Variants in EPB41L4B observed in about 807,000 individuals in gnomAD.
The protein encoded by EPB41L4B is erythrocyte membrane protein band 4.1 like 4B, also known as band 4.1-like protein 4B.
EPB41L4B carries 30 observed loss-of-function variants against 112.5 expected under a neutral mutation model. The ratio of observed to expected loss-of-function variants is 0.27; its 90% CI spans 0.20 to 0.36. The LOEUF is 0.36. Ranked by LOEUF, EPB41L4B falls within the 10% of genes least tolerant of loss-of-function variation. The probability of loss-of-function intolerance (pLI) is 1.00; values close to 1 mark genes in which losing one functional copy is unlikely to be tolerated. For synonymous variants in EPB41L4B, 408 were observed against 439.7 expected (o/e 0.93, Z 0.90); for missense variants, 1,024 against 1,133.3 (o/e 0.90, Z 1.38).
intron 1 of EPB41L4B, among the ~76,000 whole-genome samples, chr9:109,284,787 T>G (rs557883210): frequency 1.3e-5 from 2 of 152,380 alleles, no homozygotes; most frequent in Admixed American, 6.5e-5. Flanking sequence ...ATTCTGGTAC[T>G]TTTCCTTCTT....
At chr9:109,318,567 C>G (rs147495097) in intron 1 of EPB41L4B, among the ~76,000 whole-genome samples, 9 of 152,168 alleles carry the variant, frequency 5.9e-5, no homozygotes, top group African/African-American at 2.2e-4. Flanking sequence ...TTTCCCAGAT[C>G]CGAGATGCAA....
chr9:109,277,077 T>C lies in EPB41L4B; in HGVS notation c.411+2740A>G, dbSNP rs532920515. The stretch of plus-strand genomic sequence containing the variant: ...GCAGAGCCAGGAACAAGGTCCAGTC[T>C]GACTTCTAGTTCAGGGCCACAGATA... On this transcript the variant is annotated intron_variant, in intron 2 of 25. Coordinates refer to ENST00000374566, the MANE Select transcript of EPB41L4B (RefSeq NM_019114.5). Among the ~76,000 whole-genome samples, 12 of 152,286 alleles carry C rather than the reference T, an allele frequency of 7.9e-5. 1 individual carries two copies. Among genetic ancestry groups the C allele is most frequent in the African/African-American group, 2.9e-4 (12 of 41,564 alleles).
chr9:109,240,372 G>A, intron 15 of EPB41L4B: 1 of 985,234 alleles, frequency 1.0e-6, no homozygotes, highest in East Asian at 1.1e-4. Context: ...CCTTCTTGCT[G>A]AATAGATTTT....
At chr9:109,284,699 C>T (rs901676193) in intron 1 of EPB41L4B, among the ~76,000 whole-genome samples, 1 of 152,222 alleles carries the variant, frequency 6.6e-6, no homozygotes. Flanking sequence ...TGAGCCCCCA[C>T]GCCTGGCTTC....
At chr9:109,267,666 G>A in intron 3 of EPB41L4B, 115 bp from the exon 4 acceptor site, 1 of 666,428 alleles carries the variant, frequency 1.5e-6, no homozygotes. Flanking sequence ...CATCAGGACA[G>A]CATAACTGGG....
Position 109,213,703 on chromosome 9 carries a change from G to C in EPB41L4B, c.1749C>G (p.Asn583Lys). Residue 583 changes from asparagine to lysine, a missense_variant, in exon 17 of 26, where the codon AAC becomes AAG. By Grantham distance (94) the Asn-to-Lys change is moderately conservative. Transcript: ENST00000374566. ...GPWPPLHINI[N>K]KAEEKKVSEK... ...GCAGAGCCCCGGCCCTTGGCACCTT[G>C]TTTATGTTGATGTGCAGAGGAGGCC... 1 of 1,613,544 alleles carries C rather than the reference G, an allele frequency of 6.2e-7. No homozygotes were observed. Among genetic ancestry groups the C allele is most frequent in the Non-Finnish European group, 8.5e-7 (1 of 1,179,664 alleles).
At chr9:109,276,500 G>A (rs747066302) in intron 2 of EPB41L4B, among the ~76,000 whole-genome samples, 4 of 152,174 alleles carry the variant, frequency 2.6e-5, no homozygotes, top group African/African-American at 4.8e-5. Context: ...TGCTGCTGCC[G>A]CACAGCTCTT....
chr9:109,249,517 T>G (rs2118999273), intron 13 of EPB41L4B, among the ~76,000 whole-genome samples: 1 of 152,100 alleles, frequency 6.6e-6, no homozygotes, highest in Non-Finnish European at 1.5e-5. Context: ...TTTTTTTTTT[T>G]TTTTTAGTTT....
intron 18 of EPB41L4B, among the ~76,000 whole-genome samples, chr9:109,207,111 A>C (rs1313294569): frequency 6.6e-6 from 1 of 152,320 alleles, no homozygotes; most frequent in South Asian, 2.1e-4. Context: ...CCTGCTTAGA[A>C]GTCTGAGTTT....
At chr9:109,212,384 C>T (rs1833212595) in intron 17 of EPB41L4B, among the ~76,000 whole-genome samples, 1 of 152,042 alleles carries the variant, frequency 6.6e-6, no homozygotes, top group South Asian at 2.1e-4. Flanking sequence ...CAAGCCTGCT[C>T]AATAAAGATC....
chr9:109,320,084 G>A lies in EPB41L4B; in HGVS notation c.306+57C>T. ...CCCCCGATGCAAGCACTGGGGGAGG[G>A]GGAGCTGCCTCCAGGGGCGCGAGGT... On this transcript the variant is annotated intron_variant, in intron 1 of 25. Transcript: ENST00000374566. 5.2e-6 allele frequency: 7 copies of A among 1,347,774 alleles called. No homozygotes were observed. The South Asian group carries it at 8.7e-5, about 17-fold the overall frequency. The allele number at this position is 1,347,774 out of a possible 1,614,324, so 83.5% of individuals were successfully genotyped here.
At chr9:109,243,813 T>G in intron 14 of EPB41L4B, 131 bp from the exon 15 acceptor site, 1 of 821,916 alleles carries the variant, frequency 1.2e-6, no homozygotes, top group East Asian at 2.7e-5. Flanking sequence ...AGACCCTGGC[T>G]AGGGGGTGGA....
rs560848159 is a variant in EPB41L4B, at chr9:109,185,300, G to T, written c.2418+189C>A. 9.2e-5 allele frequency among the ~76,000 whole-genome samples: 14 copies of T among 152,338 alleles called. No homozygotes were observed. In the East Asian group the frequency reaches 2.5e-3, roughly 27 times the overall value. ...TAGAGGCGAAGTGGGCTCCATAGCT[G>T]CATGTTCCAAACTGACCAGGGCCAG... On this transcript the variant is annotated intron_variant, in intron 23 of 25. Transcript: ENST00000374566.
intron 15 of EPB41L4B, chr9:109,240,383 T>C (rs1033529815): frequency 1.2e-5 from 12 of 985,284 alleles, no homozygotes; most frequent in Non-Finnish European, 1.4e-5. Flanking sequence ...AATAGATTTT[T>C]GCAGTAGCCA....
intron 15 of EPB41L4B, among the ~76,000 whole-genome samples, chr9:109,235,714 C>T (rs1464952399): frequency 2.6e-5 from 4 of 152,186 alleles, no homozygotes; most frequent in Non-Finnish European, 4.4e-5. Flanking sequence ...TATTTTGAAT[C>T]TCTTTGGCCT....
At chr9:109,236,020 C>G (rs1294275678) in intron 15 of EPB41L4B, among the ~76,000 whole-genome samples, 1 of 152,220 alleles carries the variant, frequency 6.6e-6, no homozygotes, top group Non-Finnish European at 1.5e-5. Flanking sequence ...CTTGACAAAA[C>G]CAGACCACCA....
chr9:109,192,148 G>A (rs1224495370), intron 22 of EPB41L4B, 130 bp downstream of exon 22: 1 of 741,958 alleles, frequency 1.3e-6, no homozygotes, highest in African/African-American at 1.8e-5. Context: ...GATGAAAGCT[G>A]ATCCCTGAGC....
intron 20 of EPB41L4B, among the ~76,000 whole-genome samples, chr9:109,198,013 T>C (rs1001837210): frequency 5.3e-5 from 8 of 152,180 alleles, no homozygotes; most frequent in African/African-American, 1.9e-4. Flanking sequence ...GGAAGCAAAC[T>C]GTCATGGCTT....
chr9:109,226,825 G>A (rs1833798890), intron 15 of EPB41L4B, among the ~76,000 whole-genome samples: 1 of 146,700 alleles, frequency 6.8e-6, no homozygotes, highest in Non-Finnish European at 1.5e-5. Context: ...ATATATATAT[G>A]AAGAATATAT....
Sources: allele counts gnomAD v4.1 joint callset (sites outside exome capture counted in the v4.1 genomes callset), GRCh38; gene constraint gnomAD v4.1.1; transcripts MANE v1.5; gene names NCBI Gene and HGNC (gene_info 2026-07-23, HGNC 2026-07-21).